The following CORO7 variants were observed in gnomAD, a reference collection of about 807,000 sequenced individuals.
CORO7 encodes coronin-7.
A neutral mutation model predicts 126.6 loss-of-function variants in CORO7; 107 were observed. The ratio of observed to expected loss-of-function variants is 0.85; its 90% CI spans 0.72 to 0.99. The LOEUF is 0.99. Ranked by LOEUF, CORO7 falls within the 50% of genes least tolerant of loss-of-function variation. CORO7 has a pLI of 0.00. For missense variants in CORO7, 1,314 were observed against 1,255.8 expected (o/e 1.05, Z -0.70); for synonymous variants, 603 against 536.8 (o/e 1.12, Z -1.70).
At position 4,359,303 on chromosome 16, in the gene CORO7, G is replaced by T. The variant is rs759426740; in HGVS notation, c.2333C>A (p.Pro778His). The stretch of plus-strand genomic sequence containing the variant: ...GCGCCAGGGTGGCCTCACCTTGTGG[G>T]GGTCAGGCGACGTGAAGCTGTTGCA... ...LECNSFTSPD[P>H]HKGLVLLPKT... is the part of the protein sequence containing the mutation. The change falls in exon 23 of 28, where the codon CCC (proline) becomes CAC (histidine). Residue 778 changes from proline (P) to histidine (H), a missense_variant. Coordinates refer to ENST00000251166, the MANE Select transcript of CORO7 (RefSeq NM_024535.5). 3.1e-6 allele frequency: 5 copies of T among 1,605,942 alleles called. No individual in the cohort carries two copies. Among genetic ancestry groups the T allele is most frequent in the Non-Finnish European group, 4.2e-6 (5 of 1,177,066 alleles).
chr16:4,381,951 G>T, intron 9 of CORO7: 1 of 1,608,334 alleles, frequency 6.2e-7, no homozygotes. Context: ...CAGCCACAGT[G>T]CCCACCACGA....
At chr16:4,358,274 G>C (rs1208750721) in intron 24 of CORO7, 93 bp downstream of exon 24, 1 of 1,544,808 alleles carries the variant, frequency 6.5e-7, no homozygotes, top group South Asian at 1.2e-5. Context: ...ACAATGGGTA[G>C]GGAAGTTTGG....
At position 4,364,620 on chromosome 16, in the gene CORO7, A is replaced by G. The variant is rs1199369011; in HGVS notation, c.1114T>C (p.Trp372Arg). The change falls in exon 13 of 28, where the codon TGG becomes CGG. Residue 372 changes from tryptophan (W) to arginine (R), a missense_variant. Physicochemically the swap from Trp to Arg is moderately radical, Grantham distance 101. Transcript: ENST00000251166. ...ACCTGCTGGTTGTCCCCAGCCCACC[A>G]GCTATGGGGGTCGGTGGCAGGCACA... is the stretch of plus-strand genomic sequence containing the variant. Reference protein sequence around the residue: ...GCVPATDPHSWWAGDNQQVQK... With the variant: ...GCVPATDPHSRWAGDNQQVQK... The G allele has an allele frequency of 1.3e-6, 2 of 1,568,924 alleles. No homozygotes were observed. The highest frequency in any genetic ancestry group is 2.3e-5 in the East Asian group (1 of 42,856).
chr16:4,364,478 G>T, intron 13 of CORO7, 65 bp from the exon 14 acceptor site: 1 of 1,476,484 alleles, frequency 6.8e-7, no homozygotes, highest in Non-Finnish European at 9.0e-7. Flanking sequence ...GCCCCCATGG[G>T]AGGGTCAACT....
chr16:4,359,229 A>G (rs2054078736), intron 23 of CORO7, 67 bp downstream of exon 23: 1 of 1,493,936 alleles, frequency 6.7e-7, no homozygotes, highest in African/African-American at 1.4e-5. Flanking sequence ...GTACTTGCCC[A>G]CATGGCCACC....
chr16:4,408,789 C>G (rs1244851487), intron 3 of CORO7, among the ~76,000 whole-genome samples: 1 of 152,122 alleles, frequency 6.6e-6, no homozygotes, highest in East Asian at 1.9e-4. Context: ...ACGGTGAAAC[C>G]CCGTCTCTAC....
At position 4,416,466 on chromosome 16, in the gene CORO7, C is replaced by A; in HGVS notation, c.53G>T (p.Arg18Leu). ...KFRHTEARPP[R>L]RESWISDIRA... ...TCCTCGGGCCGGACTCACCTCGCGG[C>A]GGGGCGGCCGAGCCTCGGTGTGCCG... The change falls in exon 1 of 28, where the codon CGC becomes CTC. Residue 18 changes from arginine (R) to leucine (L), a missense_variant. Physicochemically the swap from Arg to Leu is moderately radical, Grantham distance 102. Coordinates refer to ENST00000251166, the MANE Select transcript of CORO7 (RefSeq NM_024535.5). 1 of 1,574,034 alleles carries A rather than the reference C, an allele frequency of 6.4e-7. No homozygotes were observed. The highest frequency in any genetic ancestry group is 8.6e-7 in the Non-Finnish European group (1 of 1,164,084).
intron 9 of CORO7, among the ~76,000 whole-genome samples, chr16:4,384,841 C>G (rs2055135610): frequency 6.6e-6 from 1 of 152,306 alleles, no homozygotes; most frequent in Admixed American, 6.5e-5. Context: ...CCAGGCCTGC[C>G]TCCCCCGGCC....
At chr16:4,403,029 TG>T (rs1361952541) in intron 6 of CORO7, among the ~76,000 whole-genome samples, 1 of 146,184 alleles carries the variant, frequency 6.8e-6, no homozygotes, top group East Asian at 2.0e-4. Flanking sequence ...GGGGCGGGGG[TG>T]GGGGCACACT....
chr16:4,370,959 G>A lies in CORO7; in HGVS notation c.786-5414C>T, dbSNP rs542111105. 1.8e-4 allele frequency among the ~76,000 whole-genome samples: 27 copies of A among 152,338 alleles called. No individual in the cohort carries two copies. In the South Asian group the frequency reaches 5.0e-3, roughly 28 times the overall value. On this transcript the variant is annotated intron_variant, in intron 9 of 27. Coordinates refer to ENST00000251166, the MANE Select transcript of CORO7 (RefSeq NM_024535.5). ...CTGAGGCATGACTGACCACAAACGC[G>A]GAGGGGGAGGAGGGCAGAGTGTTTT...
intron 9 of CORO7, chr16:4,381,792 CCT>C (rs1186423885): frequency 4.4e-6 from 7 of 1,600,490 alleles, no homozygotes; most frequent in African/African-American, 4.0e-5. Flanking sequence ...GCGTGTGCCC[CCT>C]GAGCTGGTTT....
intron 9 of CORO7, among the ~76,000 whole-genome samples, chr16:4,367,672 G>A (rs1310207468): frequency 6.6e-6 from 1 of 152,190 alleles, no homozygotes; most frequent in African/African-American, 2.4e-5. Flanking sequence ...CTCACAGGAA[G>A]AGAGTTTCAG....
intron 7 of CORO7, among the ~76,000 whole-genome samples, chr16:4,391,183 G>T (rs1401366707): frequency 1.3e-5 from 2 of 152,242 alleles, no homozygotes; most frequent in African/African-American, 4.8e-5. Context: ...AACACTTTGG[G>T]AGGCTGTGGT....
chr16:4,394,225 C>T (rs560348953), intron 7 of CORO7, among the ~76,000 whole-genome samples: 5 of 152,200 alleles, frequency 3.3e-5, no homozygotes, highest in Admixed American at 3.3e-4. Context: ...GCGGGAGGAT[C>T]ACGAGGTCAG....
intron 7 of CORO7, among the ~76,000 whole-genome samples, chr16:4,389,572 C>A (rs528119036): frequency 1.3e-5 from 2 of 152,194 alleles, no homozygotes; most frequent in East Asian, 3.9e-4. Context: ...GGGAGACCAT[C>A]GGAAACGGCT....
Position 4,388,008 on chromosome 16 carries a change from G to A in CORO7, c.763C>T (p.Leu255Phe), listed in dbSNP as rs2055253401. The change falls in exon 9 of 28, where the codon CTC (leucine) becomes TTC (phenylalanine). Residue 255 changes from leucine (L) to phenylalanine (F), a missense_variant. By Grantham distance (22) the Leu-to-Phe change is conservative. Transcript: ENST00000251166. ...TRFFSSALAS[L>F]TLDTSLGCLV... ...TACCCAAGCGAGGTGTCCAAGGTGA[G>A]GGAGGCCAGGGCGCTGGAGAAGAAC... The A allele has an allele frequency of 6.2e-7, 1 of 1,613,040 alleles. No individual in the cohort carries two copies. The highest frequency in any genetic ancestry group is 1.3e-5 in the African/African-American group (1 of 74,946).
rs759601582 is a variant in CORO7, at chr16:4,362,713, G to A, written c.1301C>T (p.Ser434Leu). The change falls in exon 15 of 28, where the codon TCG (serine) becomes TTG (leucine). Residue 434 changes from serine to leucine, a missense_variant. Physicochemically the swap from Ser to Leu is moderately radical, Grantham distance 145. Transcript: ENST00000251166. This position sits in a 1 kb window ranked among gnomAD's most constrained non-coding sequence, Gnocchi z 5.3. ...ASEGFSSPPS[S>L]LTSPSTPSSL... Reference sequence around the variant, plus strand: ...GGAGGGCGTGGAGGGCGAGGTCAGCGAACTGGGAGGGGAAGAGAAACCCTC... The same window carrying A: ...GGAGGGCGTGGAGGGCGAGGTCAGCAAACTGGGAGGGGAAGAGAAACCCTC... 12 of 1,445,116 alleles carry A rather than the reference G, an allele frequency of 8.3e-6. No individual in the cohort carries two copies. The highest frequency in any genetic ancestry group is 1.5e-5 in the South Asian group (1 of 66,766). The allele number at this position is 1,445,116 out of a possible 1,614,324, so 89.5% of individuals were successfully genotyped here. A position where few individuals can be genotyped will look rare whatever the true frequency, so the allele number is the denominator to read the frequency against.
rs2055545596 is a variant in CORO7 at position 4,395,358 on chromosome 16, G to A, written c.565-19C>T. ...GCTTGTCCTGGAAAAGCAGAGAGGA[G>A]GAAACAACTTGCGATTAGGGCTGGA... is the stretch of plus-strand genomic sequence containing the variant. On this transcript the variant is annotated intron_variant, in intron 6 of 27. Transcript: ENST00000251166. The A allele has an allele frequency of 2.5e-6, 4 of 1,613,856 alleles. No homozygotes were observed. The highest frequency in any genetic ancestry group is 3.4e-6 in the Non-Finnish European group (4 of 1,179,996).
intron 7 of CORO7, among the ~76,000 whole-genome samples, chr16:4,391,069 G>C (rs1315467049): frequency 6.6e-6 from 1 of 152,188 alleles, no homozygotes; most frequent in Non-Finnish European, 1.5e-5. Context: ...GTGAGGGAGG[G>C]GGTCAGTGGC....
Sources: gnomAD v4.1 joint callset for allele counts (sites outside exome capture counted in the v4.1 genomes callset) on GRCh38, gnomAD v4.1.1 for gene constraint, Gnocchi (gnomAD v3.1) non-coding constraint, MANE v1.5 for transcripts, NCBI Gene and HGNC (gene_info 2026-07-23, HGNC 2026-07-21) for gene names.